RBM19: variants seen among roughly 807,000 people sequenced by gnomAD.
RBM19 encodes RNA binding motif protein 19.
RBM19 carries 94 observed loss-of-function variants against 116.8 expected under a neutral mutation model. That is an observed-to-expected ratio of 0.80 (90% CI 0.68 to 0.95). The LOEUF is 0.95. Among genes scored for constraint, RBM19 ranks in the 40% least tolerant of loss-of-function variants. The probability of loss-of-function intolerance (pLI) is 0.00; values close to 1 mark genes in which losing one functional copy is unlikely to be tolerated. For synonymous variants in RBM19, 475 were observed against 494.1 expected (o/e 0.96, Z 0.51); for missense variants, 1,161 against 1,220.7 (o/e 0.95, Z 0.73).
At chr12:113,895,072 T>C (rs1413594188) in intron 21 of RBM19, among the ~76,000 whole-genome samples, 1 of 152,256 alleles carries the variant, frequency 6.6e-6, no homozygotes, top group Non-Finnish European at 1.5e-5. Context: ...TGATAGTTGA[T>C]ATTTGCAAGG....
At chr12:113,821,132 G>A (rs1874386245), downstream of RBM19, among the ~76,000 whole-genome samples, 1 of 152,184 alleles carries the variant, frequency 6.6e-6, no homozygotes, top group African/African-American at 2.4e-5. Context: ...CTGGAGAGTG[G>A]TGGACTGTTA....
chr12:113,863,529 T>C (rs1878575400), intron 21 of RBM19, among the ~76,000 whole-genome samples: 1 of 152,302 alleles, frequency 6.6e-6, no homozygotes, highest in South Asian at 2.1e-4. Flanking sequence ...ACAGCCTGCA[T>C]GCTGGCACCA....
chr12:113,944,098 T>TG (rs1870814611), intron 13 of RBM19, among the ~76,000 whole-genome samples: 1 of 131,948 alleles, frequency 7.6e-6, no homozygotes, highest in Non-Finnish European at 1.6e-5. Context: ...TGCATGTTTT[T>TG]TTTTTTTTTT....
chr12:113,889,537 A>G (rs1451881373), intron 21 of RBM19, among the ~76,000 whole-genome samples: 4 of 152,104 alleles, frequency 2.6e-5, no homozygotes, highest in African/African-American at 9.7e-5. Context: ...TCCTGCAGTC[A>G]CTCTGCCTTT....
Position 113,903,193 on chromosome 12 carries a change from C to T in RBM19, c.2558+11776G>A, listed in dbSNP as rs1429995635. On this transcript the variant is annotated intron_variant, in intron 21 of 23. Coordinates refer to ENST00000261741, the MANE Select transcript of RBM19 (RefSeq NM_016196.4). The surrounding 1 kb of genome is among the most constrained non-coding windows in gnomAD (Gnocchi z 5.1). The stretch of plus-strand genomic sequence containing the variant: ...ACCAAAATCCAAGGATGCTCAAGTC[C>T]CTTCTGCATTATTTTCGATCTGTGG... Among the ~76,000 whole-genome samples the T allele has an allele frequency of 6.6e-6, 1 of 152,128 alleles. No homozygotes were observed. Among genetic ancestry groups the T allele is most frequent in the Non-Finnish European group, 1.5e-5 (1 of 68,036 alleles).
At chr12:113,827,078 A>G (rs1340424354) in intron 23 of RBM19, among the ~76,000 whole-genome samples, 1 of 152,168 alleles carries the variant, frequency 6.6e-6, no homozygotes, top group East Asian at 1.9e-4. Flanking sequence ...CTTGAGGAGC[A>G]CCCTGTTTGC....
At chr12:113,887,130 A>C (rs1188227487) in intron 21 of RBM19, among the ~76,000 whole-genome samples, 1 of 152,232 alleles carries the variant, frequency 6.6e-6, no homozygotes, top group East Asian at 1.9e-4. Context: ...ATACAGATTT[A>C]CTGGAAGAGC....
intron 16 of RBM19, among the ~76,000 whole-genome samples, chr12:113,933,337 A>C (rs1869778082): frequency 1.5e-5 from 2 of 133,836 alleles, no homozygotes; most frequent in Non-Finnish European, 3.2e-5. Flanking sequence ...TTCAGGAACA[A>C]TGCAAAGAGG....
chr12:113,960,263 T>C (rs1259513234), intron 2 of RBM19, 85 bp from the exon 3 acceptor site: 3 of 1,581,114 alleles, frequency 1.9e-6, no homozygotes, highest in Non-Finnish European at 2.6e-6. Flanking sequence ...AGCTCGGGCA[T>C]TTCAGACAAC....
chr12:113,846,168 G>C (rs1404649552), intron 22 of RBM19, among the ~76,000 whole-genome samples: 2 of 152,146 alleles, frequency 1.3e-5, no homozygotes, highest in African/African-American at 4.8e-5. Flanking sequence ...ATTGGCAGTG[G>C]AGAGCAACGG....
At chr12:113,915,276 C>T (rs544809094) in intron 20 of RBM19, among the ~76,000 whole-genome samples, 191 bp from the exon 21 acceptor site, 16 of 152,256 alleles carry the variant, frequency 1.1e-4, no homozygotes, top group African/African-American at 2.2e-4. Context: ...CAGCTGCAGA[C>T]GTCAGGGGGA....
Position 113,966,305 on chromosome 12 carries a change from C to T in RBM19, c.-78G>A. ...CCAAGTTTCACGCTACCGCCCTGGG[C>T]GCCGCCATCTTTACCGAGCCGGAAC... On this transcript the variant is annotated 5_prime_UTR_variant, in exon 1 of 24. Coordinates refer to ENST00000261741, the MANE Select transcript of RBM19 (RefSeq NM_016196.4). The T allele has an allele frequency of 1.9e-6, 3 of 1,584,934 alleles. No homozygotes were observed. Among genetic ancestry groups the T allele is most frequent in the South Asian group, 2.2e-5 (2 of 90,390 alleles).
chr12:113,959,364 T>A lies in RBM19; in HGVS notation c.419A>T (p.His140Leu). 6.2e-7 allele frequency: 1 copy of A among 1,612,364 alleles called. No homozygotes were observed. Among genetic ancestry groups the A allele is most frequent in the Non-Finnish European group, 8.5e-7 (1 of 1,178,468 alleles). Residue 140 changes from histidine to leucine, a missense_variant, in exon 5 of 24, where the codon CAT becomes CTT. Transcript: ENST00000261741. ...DTEFQEFLSV[H>L]QRRAQAATWA... ...AGTGGCTGCCTGCGCCCGCCTCTGATGAACTGACAGAAACTCCTGGAACTC... is the reference window on the plus strand; with the variant it reads ...AGTGGCTGCCTGCGCCCGCCTCTGAAGAACTGACAGAAACTCCTGGAACTC...
At chr12:113,859,880 G>A (rs1018041903) in intron 21 of RBM19, among the ~76,000 whole-genome samples, 6 of 152,086 alleles carry the variant, frequency 3.9e-5, no homozygotes, top group African/African-American at 1.2e-4. Flanking sequence ...AGGATGCTTC[G>A]GGGCCAAAGA....
chr12:113,909,537 A>T (rs534228727), intron 21 of RBM19, among the ~76,000 whole-genome samples: 20 of 152,336 alleles, frequency 1.3e-4, no homozygotes, highest in African/African-American at 4.8e-4. Flanking sequence ...AATGGCTGGA[A>T]GGCAACGTGA....
chr12:113,962,512 G>T (rs749861850), intron 1 of RBM19, 98 bp from the exon 2 acceptor site: 23 of 1,273,088 alleles, frequency 1.8e-5, no homozygotes, highest in Non-Finnish European at 2.5e-5. Context: ...TTCTCCAAGG[G>T]TGGCCTTAGA....
chr12:113,952,693 T>G, intron 7 of RBM19, 103 bp from the exon 8 acceptor site: 1 of 897,486 alleles, frequency 1.1e-6, no homozygotes, highest in Non-Finnish European at 1.8e-6. Context: ...TTACAAAGTG[T>G]TTCATTCTTT....
intron 17 of RBM19, among the ~76,000 whole-genome samples, chr12:113,925,026 G>A (rs760644001): frequency 1.3e-5 from 2 of 152,176 alleles, no homozygotes; most frequent in Non-Finnish European, 2.9e-5. Context: ...TCATGCAATC[G>A]GGAAGCTGGG....
At chr12:113,944,628 T>C (rs537818893) in intron 13 of RBM19, among the ~76,000 whole-genome samples, 8 of 152,038 alleles carry the variant, frequency 5.3e-5, no homozygotes, top group Admixed American at 6.6e-5. Flanking sequence ...TGAGACCCCA[T>C]CTCTGCAAAA....
Sources: allele counts gnomAD v4.1 joint callset (sites outside exome capture counted in the v4.1 genomes callset), GRCh38; gene constraint gnomAD v4.1.1; non-coding constraint Gnocchi (gnomAD v3.1); transcripts MANE v1.5; gene names NCBI Gene and HGNC (gene_info 2026-07-23, HGNC 2026-07-21).